The following PTPN4 variants were observed in gnomAD, a reference collection of about 807,000 sequenced individuals.
The protein encoded by PTPN4 is tyrosine-protein phosphatase non-receptor type 4.
PTPN4 carries 49 observed loss-of-function variants against 135.5 expected under a neutral mutation model. The observed-to-expected ratio is 0.36, with a 90% confidence interval of 0.29 to 0.46. PTPN4 has a LOEUF of 0.46. Among genes scored for constraint, PTPN4 ranks in the 20% least tolerant of loss-of-function variants. The pLI is 1.00. For synonymous variants in PTPN4, 333 were observed against 369.9 expected (o/e 0.90, Z 1.14); for missense variants, 860 against 1,101.0 (o/e 0.78, Z 3.10).
intron 26 of PTPN4, among the ~76,000 whole-genome samples, chr2:119,969,542 T>C (rs964228029): frequency 6.1e-5 from 9 of 147,848 alleles, no homozygotes; most frequent in African/African-American, 2.2e-4. Context: ...TCAAGAAATG[T>C]AATCAATTTC....
intron 11 of PTPN4, among the ~76,000 whole-genome samples, chr2:119,917,399 A>C (rs1306461488): frequency 1.3e-5 from 2 of 152,214 alleles, no homozygotes; most frequent in Non-Finnish European, 2.9e-5. Context: ...TTGTTACAGC[A>C]TAGGCACATT....
chr2:119,824,674 G>T (rs1181460194), intron 2 of PTPN4, among the ~76,000 whole-genome samples: 2 of 152,110 alleles, frequency 1.3e-5, no homozygotes, highest in Non-Finnish European at 2.9e-5. Context: ...TTATTATTAT[G>T]TAAGGAGTTG....
rs55911315 is a variant in PTPN4, at chr2:119,914,248, A to ATTTTTTTTTTTTTTTTTTTTTTTT, written c.765-926_765-903dup. ...CATAAATACAGTCAATAGTTACTCA[A>ATTTTTTTTTTTTTTTTTTTTTTTT]TTTTTTTTTTTTTTTTTTTTTTTTT... On this transcript the variant is annotated intron_variant, in intron 10 of 26. Transcript: ENST00000263708. Among the ~76,000 whole-genome samples the ATTTTTTTTTTTTTTTTTTTTTTTT allele has an allele frequency of 1.3e-4, 13 of 97,426 alleles. 2 individuals carry two copies. Among genetic ancestry groups the ATTTTTTTTTTTTTTTTTTTTTTTT allele is most frequent in the African/African-American group, 7.6e-4 (13 of 17,066 alleles). The allele number at this position is 97,426 out of a possible 152,430, so 63.9% of individuals were successfully genotyped here.
Position 119,815,647 on chromosome 2 carries a change from T to C in PTPN4, c.138+5656T>C, listed in dbSNP as rs149185806. Among the ~76,000 whole-genome samples, 623 of 152,272 alleles carry C rather than the reference T, an allele frequency of 4.1e-3. 5 individuals carry two copies. Among genetic ancestry groups the C allele is most frequent in the African/African-American group, 0.015 (603 of 41,536 alleles). Reference sequence around the variant, plus strand: ...TTGTCAAGTGTTACTTTTTTGAGAATTAGGTTTTTTTTATCCCACAGAAAA... The same window carrying C: ...TTGTCAAGTGTTACTTTTTTGAGAACTAGGTTTTTTTTATCCCACAGAAAA... On this transcript the variant is annotated intron_variant, in intron 2 of 26. Transcript: ENST00000263708.
intron 3 of PTPN4, among the ~76,000 whole-genome samples, chr2:119,865,446 A>G (rs999478597): frequency 6.6e-6 from 1 of 152,136 alleles, no homozygotes; most frequent in African/African-American, 2.4e-5. Flanking sequence ...TACTTATAGA[A>G]GTCAACTAAT....
intron 9 of PTPN4, among the ~76,000 whole-genome samples, chr2:119,894,420 T>C (rs932071707): frequency 6.6e-6 from 1 of 152,198 alleles, no homozygotes; most frequent in African/African-American, 2.4e-5. Context: ...TTATTTTTAG[T>C]CAACCATCTT....
chr2:119,828,245 C>G (rs901120206), intron 2 of PTPN4, among the ~76,000 whole-genome samples: 2 of 152,226 alleles, frequency 1.3e-5, no homozygotes, highest in African/African-American at 4.8e-5. Context: ...ACGTCAGATT[C>G]AATCAAACTT....
At chr2:119,866,816 A>G (rs1414487414) in intron 3 of PTPN4, among the ~76,000 whole-genome samples, 1 of 152,096 alleles carries the variant, frequency 6.6e-6, no homozygotes, top group African/African-American at 2.4e-5. Flanking sequence ...GCTTAAATCT[A>G]TTTTATATGT....
chr2:119,761,655 T>C (rs1198488573), intron 1 of PTPN4, among the ~76,000 whole-genome samples: 1 of 152,216 alleles, frequency 6.6e-6, no homozygotes, highest in Non-Finnish European at 1.5e-5. Context: ...GGTACACATA[T>C]CTTTGTTACA....
At chr2:119,940,838 A>T (rs1017520725) in intron 15 of PTPN4, among the ~76,000 whole-genome samples, 1 of 152,204 alleles carries the variant, frequency 6.6e-6, no homozygotes, top group African/African-American at 2.4e-5. Flanking sequence ...AAAAAAATTC[A>T]TGATTTTCAA....
At chr2:119,832,079 T>A (rs1677227776) in intron 2 of PTPN4, among the ~76,000 whole-genome samples, 1 of 152,228 alleles carries the variant, frequency 6.6e-6, no homozygotes, top group African/African-American at 2.4e-5. Flanking sequence ...TGTGGGTCTC[T>A]TATTGTATAT....
At chr2:119,926,520 T>C in intron 12 of PTPN4, 78 bp from the exon 13 acceptor site, 1 of 980,638 alleles carries the variant, frequency 1.0e-6, no homozygotes, top group Non-Finnish European at 1.5e-6. Context: ...GAAGTTACAC[T>C]ATAATCATGT....
At chr2:119,851,768 G>A (rs1357560835) in intron 2 of PTPN4, among the ~76,000 whole-genome samples, 5 of 152,096 alleles carry the variant, frequency 3.3e-5, no homozygotes, top group Non-Finnish European at 7.4e-5. Context: ...AATGTTAACA[G>A]CTGTAGATTA....
At chr2:119,926,756 T>G (rs1418701923) in intron 13 of PTPN4, 90 bp downstream of exon 13, 1 of 933,954 alleles carries the variant, frequency 1.1e-6, no homozygotes, top group Non-Finnish European at 1.6e-6. Flanking sequence ...TTCTAAAGTT[T>G]TTCTAAATAT....
At chr2:119,893,014 C>T (rs753527339) in intron 9 of PTPN4, among the ~76,000 whole-genome samples, 188 of 152,164 alleles carry the variant, frequency 1.2e-3, no homozygotes, top group Non-Finnish European at 1.2e-3. Flanking sequence ...CAGACATGAG[C>T]CACCACATCT....
intron 2 of PTPN4, among the ~76,000 whole-genome samples, chr2:119,813,314 C>A (rs532036643): frequency 1.3e-5 from 2 of 151,718 alleles, no homozygotes; most frequent in Admixed American, 1.3e-4. Context: ...ATGGCACGAT[C>A]TCGGCTCACC....
At chr2:119,875,904 A>T (rs1327340827) in intron 3 of PTPN4, among the ~76,000 whole-genome samples, 1 of 152,170 alleles carries the variant, frequency 6.6e-6, no homozygotes, top group Non-Finnish European at 1.5e-5. Context: ...TAATGAAGGG[A>T]TATAATGTTC....
intron 2 of PTPN4, among the ~76,000 whole-genome samples, chr2:119,833,082 T>C (rs2104964390): frequency 6.6e-6 from 1 of 152,338 alleles, no homozygotes; most frequent in South Asian, 2.1e-4. Flanking sequence ...TTTTTTATTC[T>C]GATCTGTTTG....
At chr2:119,830,473 C>CTT (rs1473150768) in intron 2 of PTPN4, among the ~76,000 whole-genome samples, 1 of 151,554 alleles carries the variant, frequency 6.6e-6, no homozygotes, top group African/African-American at 2.4e-5. Context: ...CCTCTGCCCT[C>CTT]TCTCTCTCTC....
Sources: gnomAD v4.1 joint callset for allele counts (sites outside exome capture counted in the v4.1 genomes callset) on GRCh38, gnomAD v4.1.1 for gene constraint, MANE v1.5 for transcripts, NCBI Gene and HGNC (gene_info 2026-07-23, HGNC 2026-07-21) for gene names.